The following LIPI variants were observed in gnomAD, a reference collection of about 807,000 sequenced individuals.
The protein encoded by LIPI is lipase I.
Under a neutral mutation model 50.6 loss-of-function variants are expected in LIPI, and 59 were observed. That is an observed-to-expected ratio of 1.16 (90% CI 0.94 to 1.45). The LOEUF is 1.45. Among genes scored for constraint, LIPI ranks in the 40% most tolerant of loss-of-function variants. The probability of loss-of-function intolerance (pLI) is 0.00; values close to 1 mark genes in which losing one functional copy is unlikely to be tolerated. For synonymous variants in LIPI, 203 were observed against 178.2 expected (o/e 1.14, Z -1.11); for missense variants, 586 against 536.3 (o/e 1.09, Z -0.92).
In LIPI at chr21:14,189,090, C is replaced by G; in HGVS notation, c.376G>C (p.Val126Leu). The G allele has an allele frequency of 6.2e-7, 1 of 1,611,762 alleles. No individual in the cohort carries two copies. The highest frequency in any genetic ancestry group is 8.5e-7 in the Non-Finnish European group (1 of 1,179,930). Residue 126 changes from valine to leucine, a missense_variant, in exon 2 of 10, where the codon GTT (valine) becomes CTT (leucine). Coordinates refer to ENST00000681601, the MANE Select transcript of LIPI (RefSeq NM_001302998.2). ...ACAGCAACTTTTCTGGTGTTTTTAA[C>G]TGCTCTATTATAAATAAAAGTTGTA... is the stretch of plus-strand genomic sequence containing the variant. ...GATTFIYNRA[V>L]KNTRKVAVSL...
chr21:14,120,493 C>G (rs573351872), intron 9 of LIPI, among the ~76,000 whole-genome samples: 1 of 152,300 alleles, frequency 6.6e-6, no homozygotes, highest in South Asian at 2.1e-4. Context: ...GTCCTAGAGG[C>G]TGTATGGGCT....
chr21:14,165,598 T>C (rs959542391), intron 5 of LIPI, among the ~76,000 whole-genome samples: 1 of 152,228 alleles, frequency 6.6e-6, no homozygotes, highest in Non-Finnish European at 1.5e-5. Context: ...AGATTTATAA[T>C]GAATTTTTAA....
At position 14,165,382 on chromosome 21, in the gene LIPI, A is replaced by C. The variant is rs779266298; in HGVS notation, c.742T>G (p.Phe248Val). The C allele has an allele frequency of 6.2e-7, 1 of 1,609,764 alleles. No homozygotes were observed. The highest frequency in any genetic ancestry group is 2.2e-5 in the East Asian group (1 of 44,730). ...CPKSIFSGIQ[F>V]IKCNHQRAVH... Reference sequence around the variant, plus strand: ...GCTCTCTGGTGGTTGCATTTAATGAATTGAATTCCTTAAGGGTTAAAAAAA... The same window carrying C: ...GCTCTCTGGTGGTTGCATTTAATGACTTGAATTCCTTAAGGGTTAAAAAAA... The change falls in exon 6 of 10, where the codon TTC (phenylalanine) becomes GTC (valine). Residue 248 changes from phenylalanine (F) to valine (V), a missense_variant. Coordinates refer to ENST00000681601, the MANE Select transcript of LIPI (RefSeq NM_001302998.2).
intron 7 of LIPI, among the ~76,000 whole-genome samples, chr21:14,154,610 A>G (rs1241995397): frequency 6.6e-6 from 1 of 152,092 alleles, no homozygotes; most frequent in Non-Finnish European, 1.5e-5. Context: ...TATAATATTG[A>G]AGATAGAAAA....
chr21:14,146,772 A>ATTTTTTTTTTTTT lies in LIPI; in HGVS notation c.1119-1986_1119-1974dup, dbSNP rs3048482. On this transcript the variant is annotated intron_variant, in intron 8 of 9. Coordinates refer to ENST00000681601, the MANE Select transcript of LIPI (RefSeq NM_001302998.2). ...TCTCTTTCTTACTTTCCCAGTCTCT[A>ATTTTTTTTTTTTT]TTTTTTTTTTTTTTTTTTTTTTTTT... Among the ~76,000 whole-genome samples, 132 of 73,386 alleles carry ATTTTTTTTTTTTT rather than the reference A, an allele frequency of 1.8e-3. 25 individuals are homozygous for ATTTTTTTTTTTTT. Among genetic ancestry groups the ATTTTTTTTTTTTT allele is most frequent in the African/African-American group, 3.1e-3 (52 of 16,550 alleles). The allele number at this position is 73,386 out of a possible 152,430, so 48.1% of individuals were successfully genotyped here.
chr21:14,125,648 C>T (rs943902390), intron 9 of LIPI, among the ~76,000 whole-genome samples: 3 of 152,194 alleles, frequency 2.0e-5, no homozygotes, highest in Non-Finnish European at 4.4e-5. Flanking sequence ...ACCTCTGCCT[C>T]CCAGGTTCAA....
At chr21:14,206,885 T>A in intron 1 of LIPI, 1 of 1,612,010 alleles carries the variant, frequency 6.2e-7, no homozygotes, top group Non-Finnish European at 8.5e-7. Flanking sequence ...GAGCACTATA[T>A]TTTTGGCACA....
At chr21:14,160,872 A>G (rs866484699) in intron 7 of LIPI, among the ~76,000 whole-genome samples, 3 of 151,504 alleles carry the variant, frequency 2.0e-5, no homozygotes, top group South Asian at 2.1e-4. Context: ...AGTAGAAGAA[A>G]TAGTCAATAT....
chr21:14,130,887 C>T (rs892087756), intron 9 of LIPI, among the ~76,000 whole-genome samples: 1 of 152,198 alleles, frequency 6.6e-6, no homozygotes, highest in Non-Finnish European at 1.5e-5. Context: ...ACATGCTACC[C>T]AGAGATCTGA....
chr21:14,110,166 A>G (rs62208636), intron 9 of LIPI, among the ~76,000 whole-genome samples: 13,395 of 151,708 alleles, frequency 0.088, 918 homozygotes, highest in East Asian at 0.4. Context: ...GAATTCAAGT[A>G]CAATCCAGTT....
intron 4 of LIPI, among the ~76,000 whole-genome samples, chr21:14,179,079 C>T (rs554386758): frequency 5.9e-5 from 9 of 152,110 alleles, no homozygotes; most frequent in African/African-American, 2.2e-4. Flanking sequence ...TTTTGCAAAC[C>T]CAATATGAGG....
chr21:14,207,383 ATATC>A (rs376193226), intron 1 of LIPI, among the ~76,000 whole-genome samples: 113 of 152,314 alleles, frequency 7.4e-4, no homozygotes, highest in African/African-American at 2.6e-3. Flanking sequence ...ACTATGCATT[ATATC>A]TATCAAAATA....
At chr21:14,191,973 A>G (rs1376496356) in intron 1 of LIPI, among the ~76,000 whole-genome samples, 1 of 152,222 alleles carries the variant, frequency 6.6e-6, no homozygotes, top group Non-Finnish European at 1.5e-5. Flanking sequence ...CCAGACATGA[A>G]TTGAACCAAG....
intron 7 of LIPI, among the ~76,000 whole-genome samples, chr21:14,162,988 C>T (rs2018546610): frequency 6.6e-6 from 1 of 151,430 alleles, no homozygotes; most frequent in Admixed American, 6.6e-5. Context: ...CAAGTTTTCT[C>T]CTCTTACCTA....
intron 1 of LIPI, among the ~76,000 whole-genome samples, chr21:14,201,800 A>G (rs1382609984): frequency 6.6e-6 from 1 of 152,194 alleles, no homozygotes; most frequent in Non-Finnish European, 1.5e-5. Context: ...CTCTCTCACC[A>G]ATCCTATTCA....
chr21:14,192,793 A>T (rs2019721457), intron 1 of LIPI, among the ~76,000 whole-genome samples: 1 of 152,224 alleles, frequency 6.6e-6, no homozygotes, highest in South Asian at 2.1e-4. Flanking sequence ...AAACATTCCA[A>T]CATTCCCACA....
At position 14,131,177 on chromosome 21, in the gene LIPI, C is replaced by T. The variant is rs145721295; in HGVS notation, c.1295+13446G>A. On this transcript the variant is annotated intron_variant, in intron 9 of 9. Transcript: ENST00000681601. Reference sequence around the variant, plus strand: ...ATGTTAGCCAGGATGGTCTCGATCCCCTGATCTCATGATCCACCCACCTCG... The same window carrying T: ...ATGTTAGCCAGGATGGTCTCGATCCTCTGATCTCATGATCCACCCACCTCG... 5.9e-5 allele frequency among the ~76,000 whole-genome samples: 9 copies of T among 152,162 alleles called. No homozygotes were observed. The East Asian group carries it at 1.7e-3, about 29-fold the overall frequency.
At chr21:14,201,014 A>G (rs1286071000) in intron 1 of LIPI, among the ~76,000 whole-genome samples, 1 of 151,938 alleles carries the variant, frequency 6.6e-6, no homozygotes, top group Non-Finnish European at 1.5e-5. Context: ...AATGGAAAGG[A>G]TTCCCTGTCG....
chr21:14,174,100 C>T (rs1023953898), intron 4 of LIPI, among the ~76,000 whole-genome samples: 4 of 152,182 alleles, frequency 2.6e-5, no homozygotes, highest in Admixed American at 2.6e-4. Flanking sequence ...CAGTTTGGAA[C>T]TGTCATTTTC....
Sources: allele counts gnomAD v4.1 joint callset (sites outside exome capture counted in the v4.1 genomes callset), GRCh38; gene constraint gnomAD v4.1.1; transcripts MANE v1.5; gene names NCBI Gene and HGNC (gene_info 2026-07-23, HGNC 2026-07-21).